The following TFEC variants were observed in gnomAD, a reference collection of about 807,000 sequenced individuals.
The protein encoded by TFEC is transcription factor EC.
In TFEC, 31 loss-of-function variants were observed where a neutral mutation model predicts 41.6. The observed-to-expected ratio is 0.74, with a 90% CI of 0.56 to 1.01. The LOEUF is 1.01. Ranked by LOEUF, TFEC falls within the 50% of genes least tolerant of loss-of-function variation. The pLI, the probability that TFEC is intolerant of heterozygous loss-of-function variation, is 0.00. For missense variants in TFEC, 402 were observed against 404.1 expected (o/e 0.99, Z 0.04); for synonymous variants, 143 against 140.6 (o/e 1.02, Z -0.12).
intron 1 of TFEC, among the ~76,000 whole-genome samples, chr7:116,152,121 T>C (rs1319445364): frequency 6.6e-6 from 1 of 152,156 alleles, no homozygotes; most frequent in East Asian, 1.9e-4. Context: ...GCAAAAAGTT[T>C]AGTTCAGTTA....
intron 1 of TFEC, among the ~76,000 whole-genome samples, chr7:116,027,257 C>A (rs1795619990): frequency 6.6e-6 from 1 of 151,926 alleles, no homozygotes; most frequent in African/African-American, 2.4e-5. Flanking sequence ...AAGTGGAAAA[C>A]AAGATATAGC....
At chr7:116,006,764 G>T (rs1259566729) in intron 1 of TFEC, among the ~76,000 whole-genome samples, 1 of 152,136 alleles carries the variant, frequency 6.6e-6, no homozygotes, top group Non-Finnish European at 1.5e-5. Context: ...ATTTGGCTGT[G>T]TCCCCACCCA....
At chr7:116,012,480 G>C (rs919469554) in intron 1 of TFEC, among the ~76,000 whole-genome samples, 2 of 152,038 alleles carry the variant, frequency 1.3e-5, no homozygotes, top group African/African-American at 4.8e-5. Context: ...GGAGAAACAA[G>C]ACTGATTTCT....
Position 115,940,240 on chromosome 7 carries a change from C to T in TFEC, c.*311G>A, listed in dbSNP as rs774370466. 1 of 216,838 alleles carries T rather than the reference C, an allele frequency of 4.6e-6. No homozygotes were observed. The highest frequency in any genetic ancestry group is 9.2e-6 in the Non-Finnish European group (1 of 108,586). The allele number at this position is 216,838 out of a possible 1,614,324, so 13.4% of individuals were successfully genotyped here. On this transcript the variant is annotated 3_prime_UTR_variant, in exon 8 of 8. Transcript: ENST00000265440. ...AGTCATTAGTTCCAGTAGTACACCA[C>T]CAAGTTGCTGCTTTTAAAACATCAA... is the stretch of plus-strand genomic sequence containing the variant.
intron 5 of TFEC, 115 bp downstream of exon 5, chr7:115,954,471 A>G: frequency 1.5e-6 from 1 of 658,154 alleles, no homozygotes; most frequent in Non-Finnish European, 2.4e-6. Flanking sequence ...TATATGTGCA[A>G]TTAATTTTGG....
chr7:116,137,681 A>G (rs1225405072), intron 1 of TFEC, among the ~76,000 whole-genome samples: 1 of 152,118 alleles, frequency 6.6e-6, no homozygotes, highest in Non-Finnish European at 1.5e-5. Flanking sequence ...AGAAATTTAC[A>G]CACACTGCAT....
chr7:116,130,310 T>C (rs1798307292), intron 1 of TFEC, among the ~76,000 whole-genome samples: 1 of 152,226 alleles, frequency 6.6e-6, no homozygotes, highest in Non-Finnish European at 1.5e-5. Context: ...ACTCTTTCAT[T>C]GTTATCCTCA....
At chr7:116,056,308 T>C (rs1391690224) in intron 3 of TFEC, among the ~76,000 whole-genome samples, 2 of 151,904 alleles carry the variant, frequency 1.3e-5, no homozygotes, top group African/African-American at 4.8e-5. Flanking sequence ...TCGAGTTGAG[T>C]TGGTCTGGTA....
chr7:116,076,685 G>A lies in TFEC; in HGVS notation c.198+34023C>T, dbSNP rs531270935. Among the ~76,000 whole-genome samples, 189 of 152,046 alleles carry A rather than the reference G, an allele frequency of 1.2e-3. 1 individual carries two copies. The highest frequency in any genetic ancestry group is 4.2e-3 in the African/African-American group (176 of 41,474). On this transcript the variant is annotated intron_variant, in intron 3 of 8. Transcript: ENST00000484212. ...AGCAGAAGAAAGAATTTCAGAGCTC[G>A]AAGGTAAGGCTTTCAAATTAACCCA...
At chr7:115,986,296 A>G (rs973849342) in intron 1 of TFEC, among the ~76,000 whole-genome samples, 1 of 152,170 alleles carries the variant, frequency 6.6e-6, no homozygotes, top group Non-Finnish European at 1.5e-5. Flanking sequence ...TTTTAACCTT[A>G]GGAGATAGGT....
intron 1 of TFEC, among the ~76,000 whole-genome samples, chr7:116,134,068 A>G (rs1798388220): frequency 6.6e-6 from 1 of 152,234 alleles, no homozygotes; most frequent in Non-Finnish European, 1.5e-5. Flanking sequence ...CTGCCTCACT[A>G]GGTCTTTGTA....
chr7:116,088,833 A>AAC (rs1038389483), intron 3 of TFEC, among the ~76,000 whole-genome samples: 11 of 151,780 alleles, frequency 7.2e-5, no homozygotes, highest in Admixed American at 5.3e-4. Context: ...CATACACATA[A>AAC]ACACACACAC....
chr7:115,944,843 T>C (rs893754697), intron 6 of TFEC, among the ~76,000 whole-genome samples: 1 of 151,394 alleles, frequency 6.6e-6, no homozygotes, highest in Non-Finnish European at 1.5e-5. Context: ...TCTTAGTAAA[T>C]AAAACTGCAA....
intron 3 of TFEC, among the ~76,000 whole-genome samples, chr7:116,072,130 G>C (rs1584481102): frequency 6.6e-6 from 1 of 151,386 alleles, no homozygotes; most frequent in East Asian, 1.9e-4. Context: ...AGAAGGTATG[G>C]AATATTTTAC....
chr7:115,951,043 G>C, intron 5 of TFEC, 94 bp from the exon 6 acceptor site: 2 of 652,114 alleles, frequency 3.1e-6, no homozygotes, highest in Non-Finnish European at 4.7e-6. Flanking sequence ...TAAAAACAAT[G>C]GGAAAAAAAC....
intron 3 of TFEC, among the ~76,000 whole-genome samples, chr7:116,063,535 C>T (rs1172981961): frequency 6.6e-6 from 1 of 152,174 alleles, no homozygotes; most frequent in Admixed American, 6.5e-5. Context: ...AGGAGAATCA[C>T]TTGAACCTGG....
chr7:115,955,574 C>T (rs1017395056), intron 4 of TFEC, among the ~76,000 whole-genome samples: 2 of 152,058 alleles, frequency 1.3e-5, no homozygotes, highest in East Asian at 3.9e-4. Context: ...ATCTTGACTA[C>T]AGCCTCATAA....
At chr7:115,946,789 T>C (rs13227465) in intron 6 of TFEC, among the ~76,000 whole-genome samples, 59,306 of 150,380 alleles carry the variant, frequency 0.39, 12,908 homozygotes, top group Non-Finnish European at 0.49. Flanking sequence ...TCCTGTTTGG[T>C]CCTCCCAAAG....
At chr7:116,153,813 A>T (rs775668000) in intron 1 of TFEC, among the ~76,000 whole-genome samples, 1 of 152,232 alleles carries the variant, frequency 6.6e-6, no homozygotes, top group Non-Finnish European at 1.5e-5. Flanking sequence ...AGCAACAGAA[A>T]TTGTTGGACA....
Sources: gnomAD v4.1 joint callset for allele counts (sites outside exome capture counted in the v4.1 genomes callset) on GRCh38, gnomAD v4.1.1 for gene constraint, MANE v1.5 for transcripts, NCBI Gene and HGNC (gene_info 2026-07-23, HGNC 2026-07-21) for gene names.